Variants in FMN2 observed in about 807,000 individuals in gnomAD.
FMN2 encodes the protein formin 2, also known as formin-2.
Under a neutral mutation model 142.3 loss-of-function variants are expected in FMN2, and 51 were observed. The ratio of observed to expected loss-of-function variants is 0.36; its 90% CI spans 0.29 to 0.45. The LOEUF is 0.45. Among genes scored for constraint, FMN2 ranks in the 20% least tolerant of loss-of-function variants. The pLI is 1.00. For synonymous variants in FMN2, 882 were observed against 869.8 expected, an observed-to-expected ratio of 1.01 and a Z score of -0.25; for missense variants, 1,936 against 2,122.8, an observed-to-expected ratio of 0.91 and a Z score of 1.73.
Position 240,205,844 on chromosome 1 carries a change from C to T in FMN2, c.1987-955C>T, listed in dbSNP as rs150832315. On this transcript the variant is annotated intron_variant, in intron 4 of 17. Coordinates refer to ENST00000319653, the MANE Select transcript of FMN2 (RefSeq NM_020066.5). Reference sequence around the variant, plus strand: ...TGAGTTTTAGGAAAGGAAGACACCACTTATATGTCAGAGTGCCCCATATGT... The same window carrying T: ...TGAGTTTTAGGAAAGGAAGACACCATTTATATGTCAGAGTGCCCCATATGT... Among the ~76,000 whole-genome samples the T allele has an allele frequency of 5.3e-5, 8 of 149,956 alleles. No individual in the cohort carries two copies. The East Asian group carries it at 1.6e-3, about 30-fold the overall frequency.
At chr1:240,187,246 G>A (rs1429259092) in intron 3 of FMN2, among the ~76,000 whole-genome samples, 1 of 140,770 alleles carries the variant, frequency 7.1e-6, no homozygotes, top group Non-Finnish European at 1.5e-5. Flanking sequence ...CTCCAGCCTG[G>A]GTGAAAGAGC....
At position 240,092,967 on chromosome 1, in the gene FMN2, G is replaced by T; in HGVS notation, c.858G>T (p.Glu286Asp). ...LSDLPESLAAEPREPQQPPSP... is the reference protein window; with the variant it reads ...LSDLPESLAADPREPQQPPSP... Reference sequence around the variant, plus strand: ...ACCTGCCCGAGAGCCTGGCCGCCGAGCCCCGGGAGCCCCAGCAACCGCCGT... The same window carrying T: ...ACCTGCCCGAGAGCCTGGCCGCCGATCCCCGGGAGCCCCAGCAACCGCCGT... The change falls in exon 1 of 18, where the codon GAG becomes GAT. Residue 286 changes from glutamate to aspartate, a missense_variant. This residue lies in a region of FMN2 where 751 missense variants were observed against 791.8 expected (regional missense o/e 0.95). Coordinates refer to ENST00000319653, the MANE Select transcript of FMN2 (RefSeq NM_020066.5). 1 of 1,408,298 alleles carries T rather than the reference G, an allele frequency of 7.1e-7. No homozygotes were observed. The highest frequency in any genetic ancestry group is 1.5e-5 in the South Asian group (1 of 64,974). 87.2% of individuals were successfully genotyped at this position (1,408,298 alleles called of 1,614,324 possible).
chr1:240,460,346 C>CT (rs1440956248), intron 16 of FMN2, among the ~76,000 whole-genome samples: 4 of 152,220 alleles, frequency 2.6e-5, no homozygotes, highest in Admixed American at 2.0e-4. Flanking sequence ...AACACCAGCA[C>CT]TTTGAGAGGC....
chr1:240,275,092 T>C (rs1669150331), intron 7 of FMN2, among the ~76,000 whole-genome samples: 1 of 151,590 alleles, frequency 6.6e-6, no homozygotes, highest in Admixed American at 6.6e-5. Context: ...TTTTTTTTTT[T>C]TTTGTCTTTT....
At position 240,328,682 on chromosome 1, in the gene FMN2, C is replaced by G. The variant is rs929504229; in HGVS notation, c.4216-394C>G. Reference sequence around the variant, plus strand: ...TAGGCTCACTGCAACCTCCTCCTCCCAGGTTCAGGTGATTCTCCTGCCTCA... The same window carrying G: ...TAGGCTCACTGCAACCTCCTCCTCCGAGGTTCAGGTGATTCTCCTGCCTCA... On this transcript the variant is annotated intron_variant, in intron 8 of 17. Transcript: ENST00000319653. Among the ~76,000 whole-genome samples, 12 of 152,086 alleles carry G rather than the reference C, an allele frequency of 7.9e-5. No individual in the cohort carries two copies. The East Asian group carries it at 1.9e-3, about 25-fold the overall frequency.
chr1:240,404,391 T>C (rs987277205), intron 15 of FMN2, among the ~76,000 whole-genome samples: 1 of 152,254 alleles, frequency 6.6e-6, no homozygotes, highest in Non-Finnish European at 1.5e-5. Context: ...TGTGTTTATC[T>C]GGCTTAGGCT....
intron 4 of FMN2, among the ~76,000 whole-genome samples, chr1:240,204,524 G>T (rs915239181): frequency 6.6e-6 from 1 of 152,246 alleles, no homozygotes; most frequent in Admixed American, 6.5e-5. Context: ...GCCGAGGTGC[G>T]TGGATCACCT....
At chr1:240,354,823 GTAGTGAGAGGTTTTGGGGATTTTTT>G (rs1296590400) in intron 13 of FMN2, among the ~76,000 whole-genome samples, 1 of 152,154 alleles carries the variant, frequency 6.6e-6, no homozygotes, top group African/African-American at 2.4e-5. Context: ...CTTAAGAACT[GTAGTGAGAGGTTTTGGGGATTTTTT>G]TGTTGTTGTC....
At chr1:240,314,811 C>T (rs1670716888) in intron 8 of FMN2, among the ~76,000 whole-genome samples, 1 of 152,124 alleles carries the variant, frequency 6.6e-6, no homozygotes, top group Non-Finnish European at 1.5e-5. Context: ...TTTGTAAGTT[C>T]CCTGTCTGCC....
chr1:240,133,343 A>AT (rs531642210), intron 2 of FMN2, among the ~76,000 whole-genome samples: 2 of 151,940 alleles, frequency 1.3e-5, no homozygotes, highest in Admixed American at 6.6e-5. Context: ...ATTAAAAAAA[A>AT]TTTTTTTAAT....
chr1:240,346,035 T>G (rs2103034327), intron 13 of FMN2, among the ~76,000 whole-genome samples: 1 of 152,260 alleles, frequency 6.6e-6, no homozygotes, highest in East Asian at 1.9e-4. Context: ...TGGGTAAATC[T>G]TATTAACACA....
chr1:240,124,585 G>A (rs1414659727), intron 2 of FMN2, among the ~76,000 whole-genome samples: 1 of 152,176 alleles, frequency 6.6e-6, no homozygotes. Flanking sequence ...AGATGTGTAA[G>A]AATTCTCGTG....
chr1:240,330,104 A>G (rs1671328378), intron 10 of FMN2, among the ~76,000 whole-genome samples: 1 of 152,234 alleles, frequency 6.6e-6, no homozygotes, highest in Admixed American at 6.5e-5. Flanking sequence ...GTGTTTTGAA[A>G]GAAATGAGTG....
At chr1:240,372,644 T>C (rs1400758552) in intron 14 of FMN2, among the ~76,000 whole-genome samples, 1 of 151,064 alleles carries the variant, frequency 6.6e-6, no homozygotes, top group Non-Finnish European at 1.5e-5. Context: ...AATTTCTTTT[T>C]TTTTTTTTTT....
intron 13 of FMN2, among the ~76,000 whole-genome samples, chr1:240,336,091 C>T (rs1002597661): frequency 6.6e-6 from 1 of 152,038 alleles, no homozygotes; most frequent in African/African-American, 2.4e-5. Context: ...TGCAGTGAGC[C>T]AAGATTGTGC....
intron 2 of FMN2, among the ~76,000 whole-genome samples, chr1:240,166,766 TG>T (rs1382238337): frequency 6.6e-6 from 1 of 152,228 alleles, no homozygotes. Context: ...TAAATATTTT[TG>T]CATATCACTG....
chr1:240,150,021 T>A (rs1382641795), intron 2 of FMN2, among the ~76,000 whole-genome samples: 1 of 152,202 alleles, frequency 6.6e-6, no homozygotes, highest in Non-Finnish European at 1.5e-5. Context: ...GTATTTTTTG[T>A]CCTCTTCTGA....
intron 13 of FMN2, among the ~76,000 whole-genome samples, chr1:240,351,143 A>G (rs2103040449): frequency 6.6e-6 from 1 of 152,316 alleles, no homozygotes; most frequent in Admixed American, 6.5e-5. Flanking sequence ...TCAGTGGTGG[A>G]CTTTTAAAAA....
intron 8 of FMN2, among the ~76,000 whole-genome samples, chr1:240,303,431 A>G (rs1572173403): frequency 6.6e-6 from 1 of 152,312 alleles, no homozygotes; most frequent in East Asian, 1.9e-4. Flanking sequence ...TACTGGATAT[A>G]GAATTATTGG....
Sources: allele counts gnomAD v4.1 joint callset (sites outside exome capture counted in the v4.1 genomes callset), GRCh38; gene constraint gnomAD v4.1.1; regional missense constraint gnomAD v4.1.1; transcripts MANE v1.5; gene names NCBI Gene and HGNC (gene_info 2026-07-23, HGNC 2026-07-21).